Variants in SLC25A18 observed in about 807,000 individuals in gnomAD.
SLC25A18 encodes the protein mitochondrial glutamate carrier 2.
In SLC25A18, 24 loss-of-function variants were observed where a neutral mutation model predicts 31.1. The observed-to-expected ratio is 0.77, with a 90% CI of 0.56 to 1.08. The LOEUF (loss-of-function observed/expected upper bound fraction) is 1.08. SLC25A18 is among the 50% of genes least tolerant of loss of function. The pLI, the probability that SLC25A18 is intolerant of heterozygous loss-of-function variation, is 0.00. For synonymous variants in SLC25A18, 173 were observed against 161.9 expected (o/e 1.07, Z -0.52); for missense variants, 371 against 418.5 (o/e 0.89, Z 0.99).
At chr22:17,569,208 C>G (rs1198697578) in intron 1 of SLC25A18, among the ~76,000 whole-genome samples, 1 of 151,866 alleles carries the variant, frequency 6.6e-6, no homozygotes, top group African/African-American at 2.4e-5. Context: ...CGGGGTTTTA[C>G]CATGTTAGCC....
At chr22:17,577,159 A>G (rs1569182712) in intron 2 of SLC25A18, among the ~76,000 whole-genome samples, 1 of 152,070 alleles carries the variant, frequency 6.6e-6, no homozygotes, top group Non-Finnish European at 1.5e-5. Context: ...AGTAGCTGGG[A>G]CGACAGGCGC....
At chr22:17,581,249 G>A in intron 4 of SLC25A18, 90 bp downstream of exon 4, 6 of 1,576,928 alleles carry the variant, frequency 3.8e-6, no homozygotes, top group Admixed American at 1.8e-5. Flanking sequence ...GCGCGCGTGA[G>A]CCTGGGGGCT....
chr22:17,581,274 C>A, intron 4 of SLC25A18, 84 bp from the exon 5 acceptor site: 1 of 1,598,344 alleles, frequency 6.3e-7, no homozygotes, highest in South Asian at 1.1e-5. Flanking sequence ...ATCTGATCAG[C>A]TGGGATGTGC....
intron 2 of SLC25A18, among the ~76,000 whole-genome samples, chr22:17,579,166 C>A (rs2146241263): frequency 6.6e-6 from 1 of 151,364 alleles, no homozygotes; most frequent in East Asian, 2.0e-4. Context: ...TCGGCTCCAC[C>A]ACAACCTCTG....
At chr22:17,581,685 AAGAG>A (rs1263252893) in intron 5 of SLC25A18, 3 of 488,312 alleles carry the variant, frequency 6.1e-6, no homozygotes, top group Admixed American at 3.6e-5. Flanking sequence ...GCTAGAAGCG[AAGAG>A]AGAGAGGCTG....
At chr22:17,574,737 G>A (rs1205124515) in intron 2 of SLC25A18, among the ~76,000 whole-genome samples, 3 of 150,444 alleles carry the variant, frequency 2.0e-5, no homozygotes, top group Non-Finnish European at 2.9e-5. Flanking sequence ...GGCCAGGCTG[G>A]TCTCGAACTC....
At chr22:17,578,002 G>A (rs1417585487) in intron 2 of SLC25A18, among the ~76,000 whole-genome samples, 2 of 145,638 alleles carry the variant, frequency 1.4e-5, no homozygotes, top group Non-Finnish European at 3.0e-5. Flanking sequence ...CTTCTTTGGG[G>A]GGCATAGGGT....
chr22:17,583,321 G>T, intron 6 of SLC25A18, 95 bp from the exon 7 acceptor site: 2 of 1,515,644 alleles, frequency 1.3e-6, no homozygotes, highest in Non-Finnish European at 9.0e-7. Context: ...AGCCACGGGT[G>T]CCATCCAGGG....
intron 2 of SLC25A18, among the ~76,000 whole-genome samples, chr22:17,577,211 A>G (rs1472947523): frequency 6.6e-6 from 1 of 151,832 alleles, no homozygotes; most frequent in African/African-American, 2.4e-5. Context: ...TTTAGTAGAG[A>G]CGGGGTTTCA....
chr22:17,579,986 T>C (rs1601310416), intron 3 of SLC25A18, 22 bp downstream of exon 3: 1 of 1,607,190 alleles, frequency 6.2e-7, no homozygotes, highest in Non-Finnish European at 8.5e-7. Context: ...TGGGGCAGCC[T>C]GAGGCCCTGG....
chr22:17,580,806 G>C, intron 3 of SLC25A18: 1 of 1,291,838 alleles, frequency 7.7e-7, no homozygotes, highest in Non-Finnish European at 9.8e-7. Context: ...AGAAGCCCCT[G>C]CAGGTCCCAG....
chr22:17,564,137 G>A lies in SLC25A18; in HGVS notation c.-264+424G>A, dbSNP rs535989334. Among the ~76,000 whole-genome samples, 11 of 152,286 alleles carry A rather than the reference G, an allele frequency of 7.2e-5. No individual in the cohort carries two copies. In the East Asian group the frequency reaches 7.7e-4, roughly 11 times the overall value. On this transcript the variant is annotated intron_variant, in intron 1 of 10. Transcript: ENST00000327451. ...GACTGTGTAATTCAGAAAATGCAGCGCAAGTAATTATGTCCAGTGTGATGC... is the reference window on the plus strand; with the variant it reads ...GACTGTGTAATTCAGAAAATGCAGCACAAGTAATTATGTCCAGTGTGATGC...
Position 17,569,983 on chromosome 22 carries a change from G to A in SLC25A18, c.-204G>A, listed in dbSNP as rs1183724215. 1 of 985,502 alleles carries A rather than the reference G, an allele frequency of 1.0e-6. No individual in the cohort carries two copies. The highest frequency in any genetic ancestry group is 1.2e-6 in the Non-Finnish European group (1 of 829,958). The allele number at this position is 985,502 out of a possible 1,614,324, so 61.0% of individuals were successfully genotyped here. On this transcript the variant is annotated 5_prime_UTR_variant, in exon 2 of 11. Coordinates refer to ENST00000327451, the MANE Select transcript of SLC25A18 (RefSeq NM_031481.3). ...GAAAAGGCAGAGGTTCTTACCGAAA[G>A]CAGGTAAGTGTCTTGTCTGTCTGCA...
rs1318559444 is a variant in SLC25A18 at position 17,569,943 on chromosome 22, A to G, written c.-244A>G. 1 of 985,504 alleles carries G rather than the reference A, an allele frequency of 1.0e-6. No individual in the cohort carries two copies. The highest frequency in any genetic ancestry group is 1.7e-5 in the African/African-American group (1 of 57,364). The allele number at this position is 985,504 out of a possible 1,614,324, so 61.0% of individuals were successfully genotyped here. A position where few individuals can be genotyped will look rare whatever the true frequency, so the allele number is the denominator to read the frequency against. ...CTGCAGCTCAGCAGCGATCTGAACT[A>G]TATCCTGGGTTCCAGAAAAGGCAGA... On this transcript the variant is annotated 5_prime_UTR_variant, in exon 2 of 11. Transcript: ENST00000327451.
Position 17,588,001 on chromosome 22 carries a change from A to G in SLC25A18, c.652A>G (p.Lys218Glu). Residue 218 changes from lysine (K) to glutamate (E), a missense_variant, in exon 9 of 11, where the codon AAG (lysine) becomes GAG (glutamate). Transcript: ENST00000327451. Reference sequence around the variant, plus strand: ...CCTGGGGTTCAACGAGCTCGCCGGTAAGGCGTCCTTTGCACATTCCTTCGT... The same window carrying G: ...CCTGGGGTTCAACGAGCTCGCCGGTGAGGCGTCCTTTGCACATTCCTTCGT... Reference protein sequence around the residue: ...NNLGFNELAGKASFAHSFVSG... With the variant: ...NNLGFNELAGEASFAHSFVSG... 3 of 1,614,232 alleles carry G rather than the reference A, an allele frequency of 1.9e-6. No homozygotes were observed. Among genetic ancestry groups the G allele is most frequent in the Non-Finnish European group, 2.5e-6 (3 of 1,180,042 alleles).
intron 9 of SLC25A18, chr22:17,588,894 T>TAA (rs35328239): frequency 2.1e-4 from 30 of 142,154 alleles, no homozygotes; most frequent in South Asian, 4.6e-4. Flanking sequence ...ACCCTGTCTC[T>TAA]AAAAAAAAAA....
At chr22:17,588,704 A>G (rs1402978818) in intron 9 of SLC25A18, 1 of 152,216 alleles carries the variant, frequency 6.6e-6, no homozygotes, top group African/African-American at 2.4e-5. Context: ...TAAACCTGGC[A>G]TGAGAAGACA....
At chr22:17,583,586 C>G in intron 7 of SLC25A18, 52 bp downstream of exon 7, 1 of 1,586,044 alleles carries the variant, frequency 6.3e-7, no homozygotes, top group Admixed American at 1.8e-5. Context: ...GGGATTGGAA[C>G]CAGGCACATC....
At chr22:17,565,957 C>T (rs1229189991) in intron 1 of SLC25A18, among the ~76,000 whole-genome samples, 19 of 152,014 alleles carry the variant, frequency 1.2e-4, no homozygotes, top group African/African-American at 4.1e-4. Flanking sequence ...CCTCCCAAAG[C>T]ACAAGGATTA....
Sources: allele counts gnomAD v4.1 joint callset (sites outside exome capture counted in the v4.1 genomes callset), GRCh38; gene constraint gnomAD v4.1.1; transcripts MANE v1.5; gene names NCBI Gene and HGNC (gene_info 2026-07-23, HGNC 2026-07-21).